The following ZNF341 variants were observed in gnomAD, a reference collection of about 807,000 sequenced individuals.
ZNF341 encodes zinc finger protein 341.
A neutral mutation model predicts 87.7 loss-of-function variants in ZNF341; 52 were observed. That is an observed-to-expected ratio of 0.59 (90% confidence interval 0.47 to 0.75). The LOEUF (loss-of-function observed/expected upper bound fraction) is 0.75. Among genes scored for constraint, ZNF341 ranks in the 30% least tolerant of loss-of-function variants. The pLI, the probability that ZNF341 is intolerant of heterozygous loss-of-function variation, is 0.00. For missense variants in ZNF341, 977 were observed against 1,145.9 expected, an observed-to-expected ratio of 0.85 and a Z score of 2.13; for synonymous variants, 459 against 472.7, an observed-to-expected ratio of 0.97 and a Z score of 0.38.
At chr20:33,749,477 A>G (rs769411180) in intron 4 of ZNF341, among the ~76,000 whole-genome samples, 3 of 151,824 alleles carry the variant, frequency 2.0e-5, no homozygotes, top group Non-Finnish European at 4.4e-5. Flanking sequence ...TTGTATTTTT[A>G]GTAGAGACAG....
Position 33,783,823 on chromosome 20 carries a change from G to C in ZNF341, c.1811G>C (p.Arg604Pro). ...FKCQVCKKFF[R>P]REHYLKLHAH... ...TGCCAAGTGTGCAAGAAGTTCTTCC[G>C]GCGGGAGCATTATCTCAAACTGCAT... is the stretch of plus-strand genomic sequence containing the variant. The change falls in exon 12 of 15, where the codon CGG becomes CCG. Residue 604 changes from arginine (R) to proline (P), a missense_variant. Physicochemically the swap from Arg to Pro is moderately radical, Grantham distance 103. Coordinates refer to ENST00000375200, the MANE Select transcript of ZNF341 (RefSeq NM_001282933.2). 6.2e-7 allele frequency: 1 copy of C among 1,613,678 alleles called. No individual in the cohort carries two copies. The highest frequency in any genetic ancestry group is 8.5e-7 in the Non-Finnish European group (1 of 1,179,824).
chr20:33,737,091 G>C (rs754550391), intron 1 of ZNF341, among the ~76,000 whole-genome samples: 5 of 152,174 alleles, frequency 3.3e-5, no homozygotes, highest in Admixed American at 2.0e-4. Flanking sequence ...CTGCCAGATG[G>C]TCTTTGGTGA....
At chr20:33,752,105 C>CA (rs1360080258) in intron 4 of ZNF341, 2 of 390,302 alleles carry the variant, frequency 5.1e-6, no homozygotes, top group Non-Finnish European at 4.9e-6. Context: ...GTGCTGCAAG[C>CA]AAGCCCCCCC....
intron 7 of ZNF341, among the ~76,000 whole-genome samples, chr20:33,761,263 C>CTATT (rs887218501): frequency 2.0e-5 from 3 of 150,740 alleles, no homozygotes; most frequent in East Asian, 2.0e-4. Context: ...ACAGAAGTCC[C>CTATT]TATTTATTTA....
At chr20:33,757,375 C>T (rs767706447) in intron 6 of ZNF341, 32 bp downstream of exon 6, 1 of 1,449,600 alleles carries the variant, frequency 6.9e-7, no homozygotes, top group Admixed American at 2.6e-5. Context: ...GGCATCTTTC[C>T]TCAACATTGG....
intron 1 of ZNF341, among the ~76,000 whole-genome samples, chr20:33,733,020 G>A (rs1485047605): frequency 6.6e-6 from 1 of 152,172 alleles, no homozygotes; most frequent in Non-Finnish European, 1.5e-5. Flanking sequence ...GAGTCCTGCA[G>A]CTTCCTAGGA....
rs572950835 is a variant in ZNF341, at chr20:33,791,589, C to A, written c.*72C>A. Reference sequence around the variant, plus strand: ...GGGTCCAGGGCCCCTGGGGGCAGACCGGTGATCCTTACCAGTGGAAGCGAG... The same window carrying A: ...GGGTCCAGGGCCCCTGGGGGCAGACAGGTGATCCTTACCAGTGGAAGCGAG... On this transcript the variant is annotated 3_prime_UTR_variant, in exon 15 of 15. Coordinates refer to ENST00000375200, the MANE Select transcript of ZNF341 (RefSeq NM_001282933.2). The A allele has an allele frequency of 2.8e-6, 4 of 1,429,404 alleles. 1 individual carries two copies. The South Asian group carries it at 5.7e-5, about 20-fold the overall frequency. 88.5% of individuals were successfully genotyped at this position (1,429,404 alleles called of 1,614,324 possible). A position where few individuals can be genotyped will look rare whatever the true frequency, so the allele number is the denominator to read the frequency against.
chr20:33,783,388 G>GTGGT (rs1266469873), intron 11 of ZNF341, among the ~76,000 whole-genome samples: 1 of 152,108 alleles, frequency 6.6e-6, no homozygotes, highest in East Asian at 1.9e-4. Flanking sequence ...AGGCAGAATT[G>GTGGT]GCTTTGCCAG....
rs1356308476 is a variant in ZNF341, at chr20:33,757,326, C to T, written c.920C>T (p.Ala307Val). 7 of 1,552,554 alleles carry T rather than the reference C, an allele frequency of 4.5e-6. No individual in the cohort carries two copies. The African/African-American group carries it at 5.5e-5, about 12-fold the overall frequency. Residue 307 changes from alanine to valine, a missense_variant, in exon 6 of 15, where the codon GCC (alanine) becomes GTC (valine). Coordinates refer to ENST00000375200, the MANE Select transcript of ZNF341 (RefSeq NM_001282933.2). The stretch of plus-strand genomic sequence containing the variant: ...CTGAAGACCCGACGAGCTAAAGGTG[C>T]CAGGGGACTCCCGGAAGGTGGGCCC... ...ATLKTRRAKG[A>V]RGLPEAAGKP...
At chr20:33,768,793 A>C (rs1478176456) in intron 9 of ZNF341, among the ~76,000 whole-genome samples, 1 of 152,144 alleles carries the variant, frequency 6.6e-6, no homozygotes, top group South Asian at 2.1e-4. Context: ...AGGTAGAAGG[A>C]GTGCATGATA....
In ZNF341 at chr20:33,745,152, G is replaced by A. The variant is rs202175380; in HGVS notation, c.192G>A (p.Ser64=). 17 of 1,613,846 alleles carry A rather than the reference G, an allele frequency of 1.1e-5. No individual in the cohort carries two copies. The highest frequency in any genetic ancestry group is 3.3e-5 in the Admixed American group (2 of 59,988). Residue 64 remains serine, a synonymous_variant, in exon 3 of 15, where the codon TCG becomes TCA. Transcript: ENST00000375200. ...LCGKCKKQFN[S]LPAFMTHKRE... is the part of the protein sequence containing the mutation. ...GGAAGTGTAAGAAGCAATTCAACTC[G>A]CTGCCAGCGTTTATGACCCACAAGC...
rs770514166 is a variant in ZNF341 at position 33,731,998 on chromosome 20, G to A, written c.-24G>A. The A allele has an allele frequency of 1.7e-5, 25 of 1,438,354 alleles. No homozygotes were observed. The Admixed American group carries it at 2.2e-4, about 13-fold the overall frequency. 89.1% of individuals were successfully genotyped at this position (1,438,354 alleles called of 1,614,324 possible). On this transcript the variant is annotated 5_prime_UTR_variant, in exon 1 of 15. Transcript: ENST00000375200. ...CGCGTAGCCGGGCTTCGGTTCCTGT[G>A]GCGGCGACGGCGGCGGCTCCAAGAT...
intron 4 of ZNF341, chr20:33,752,063 A>T: frequency 2.6e-6 from 1 of 388,350 alleles, no homozygotes; most frequent in Non-Finnish European, 4.9e-6. Context: ...GATGTCCCAC[A>T]AACCAGATTC....
At chr20:33,753,082 C>T (rs980662314) in intron 4 of ZNF341, 90 bp from the exon 5 acceptor site, 2 of 1,580,016 alleles carry the variant, frequency 1.3e-6, no homozygotes, top group African/African-American at 2.7e-5. Flanking sequence ...TGTTTTTCCA[C>T]CTGGCTGGCT....
intron 3 of ZNF341, among the ~76,000 whole-genome samples, chr20:33,745,636 T>A (rs2018902618): frequency 6.6e-6 from 1 of 152,076 alleles, no homozygotes; most frequent in African/African-American, 2.4e-5. Flanking sequence ...ATATTATTAT[T>A]TTTAAAATCT....
intron 10 of ZNF341, 32 bp from the exon 11 acceptor site, chr20:33,781,259 C>T: frequency 3.9e-6 from 6 of 1,550,686 alleles, no homozygotes; most frequent in Non-Finnish European, 5.3e-6. Context: ...TGCTGTGTTT[C>T]CTCCCTCATC....
chr20:33,784,030 C>T (rs1483748147), intron 12 of ZNF341, among the ~76,000 whole-genome samples, 166 bp downstream of exon 12: 1 of 138,786 alleles, frequency 7.2e-6, no homozygotes, highest in Non-Finnish European at 1.6e-5. Flanking sequence ...CTCAGTCCCT[C>T]CCCTCATCTC....
intron 2 of ZNF341, 35 bp downstream of exon 2, chr20:33,741,047 G>C (rs1192317187): frequency 6.3e-6 from 10 of 1,579,736 alleles, no homozygotes; most frequent in Non-Finnish European, 8.7e-6. Flanking sequence ...GTGGGAGAGT[G>C]AATGGCTCCC....
At chr20:33,770,977 C>T (rs981195906) in intron 10 of ZNF341, among the ~76,000 whole-genome samples, 2 of 151,866 alleles carry the variant, frequency 1.3e-5, no homozygotes, top group Non-Finnish European at 2.9e-5. Context: ...AAAAAATTAG[C>T]CGGGCGTGGT....
Sources: allele counts gnomAD v4.1 joint callset (sites outside exome capture counted in the v4.1 genomes callset), GRCh38; gene constraint gnomAD v4.1.1; transcripts MANE v1.5; gene names NCBI Gene and HGNC (gene_info 2026-07-23, HGNC 2026-07-21).